Variants in CSMD1 observed in about 807,000 individuals in gnomAD.
CSMD1 encodes the protein CUB and sushi domain-containing protein 1.
Under a neutral mutation model 417.5 loss-of-function variants are expected in CSMD1, and 213 were observed. That is an observed-to-expected ratio of 0.51 (90% confidence interval 0.46 to 0.57). The LOEUF is 0.57. CSMD1 is among the 20% of genes least tolerant of loss of function. The pLI is 0.00. For missense variants in CSMD1, 6,923 were observed against 4,529.7 expected (o/e 1.53, Z -15.17); for synonymous variants, 2,862 against 1,736.8 (o/e 1.65, Z -16.11).
At chr8:3,019,579 G>T (rs1809181572) in intron 51 of CSMD1, among the ~76,000 whole-genome samples, 1 of 152,162 alleles carries the variant, frequency 6.6e-6, no homozygotes, top group Admixed American at 6.5e-5. Context: ...ACTACACAGG[G>T]CATTTGGAGG....
At chr8:4,455,640 C>G (rs996732262) in intron 2 of CSMD1, among the ~76,000 whole-genome samples, 2 of 151,716 alleles carry the variant, frequency 1.3e-5, no homozygotes, top group South Asian at 2.1e-4. Flanking sequence ...AAACATAAAA[C>G]GCAATTGAGG....
At chr8:3,969,443 G>A (rs1051036081) in intron 5 of CSMD1, among the ~76,000 whole-genome samples, 4 of 152,090 alleles carry the variant, frequency 2.6e-5, no homozygotes, top group African/African-American at 9.7e-5. Flanking sequence ...GGGTGGTCAT[G>A]GTCACTAGTG....
At chr8:4,955,614 C>A (rs1327129220) in intron 1 of CSMD1, among the ~76,000 whole-genome samples, 2 of 152,072 alleles carry the variant, frequency 1.3e-5, no homozygotes, top group African/African-American at 4.8e-5. Flanking sequence ...TACCACTACA[C>A]CCGGCTAATT....
chr8:3,081,057 A>G (rs34273727), intron 49 of CSMD1, among the ~76,000 whole-genome samples: 20,157 of 152,252 alleles, frequency 0.13, 1,620 homozygotes, highest in Non-Finnish European at 0.18. Context: ...TAAATTTAAA[A>G]TGTTTACCAA....
chr8:3,569,812 G>T (rs1182452561), intron 10 of CSMD1, among the ~76,000 whole-genome samples: 2 of 152,100 alleles, frequency 1.3e-5, no homozygotes, highest in African/African-American at 2.4e-5. Flanking sequence ...ATGCCTTCAG[G>T]TGTCTAAGTG....
intron 6 of CSMD1, among the ~76,000 whole-genome samples, chr8:3,710,949 G>T (rs1455579498): frequency 6.6e-6 from 1 of 152,154 alleles, no homozygotes; most frequent in Non-Finnish European, 1.5e-5. Context: ...AGGAGGGTGA[G>T]ATCCCGAAGC....
In CSMD1 at chr8:3,637,889, G is replaced by A. The variant is rs376801116; in HGVS notation, c.1010-21092C>T. Among the ~76,000 whole-genome samples, 17 of 152,284 alleles carry A rather than the reference G, an allele frequency of 1.1e-4. No individual in the cohort carries two copies. The South Asian group carries it at 3.3e-3, about 30-fold the overall frequency. On this transcript the variant is annotated intron_variant, in intron 7 of 69. Transcript: ENST00000635120. ...TCACAAGATCTGATGGTTTTCTACA[G>A]AGCAGTTCCCCTGCCCACACTCTCT...
In CSMD1 at chr8:4,860,692, T is replaced by C. The variant is rs1802079256; in HGVS notation, c.85+133640A>G. 2.0e-5 allele frequency among the ~76,000 whole-genome samples: 3 copies of C among 152,154 alleles called. No homozygotes were observed. The South Asian group carries it at 6.2e-4, about 31-fold the overall frequency. On this transcript the variant is annotated intron_variant, in intron 1 of 69. Coordinates refer to ENST00000635120, the MANE Select transcript of CSMD1 (RefSeq NM_033225.6). Reference sequence around the variant, plus strand: ...CTCACAATGTTTGAAATGTTCCTCATTCACTCTGGAATAAAGACAAATACA... The same window carrying C: ...CTCACAATGTTTGAAATGTTCCTCACTCACTCTGGAATAAAGACAAATACA...
chr8:3,666,727 G>A (rs1452258090), intron 7 of CSMD1, among the ~76,000 whole-genome samples: 1 of 152,154 alleles, frequency 6.6e-6, no homozygotes, highest in East Asian at 1.9e-4. Flanking sequence ...AAACCCCTTT[G>A]GCTTGGCTCT....
At chr8:4,051,423 G>A (rs7819364) in intron 3 of CSMD1, among the ~76,000 whole-genome samples, 4,953 of 152,118 alleles carry the variant, frequency 0.033, 211 homozygotes, top group African/African-American at 0.1. Context: ...AAATCAGACC[G>A]CAAGGTTGAA....
intron 5 of CSMD1, among the ~76,000 whole-genome samples, chr8:3,866,997 T>A (rs1585113193): frequency 1.3e-5 from 2 of 152,208 alleles, no homozygotes; most frequent in Non-Finnish European, 2.9e-5. Context: ...AAGTGGTGAG[T>A]CAGCCAATAT....
chr8:4,862,200 G>C (rs990893857), intron 1 of CSMD1, among the ~76,000 whole-genome samples: 1 of 152,020 alleles, frequency 6.6e-6, no homozygotes, highest in Non-Finnish European at 1.5e-5. Flanking sequence ...GAACCTCAAC[G>C]AGGCCTGGGG....
At chr8:4,838,212 A>C (rs559759791) in intron 1 of CSMD1, among the ~76,000 whole-genome samples, 2 of 152,328 alleles carry the variant, frequency 1.3e-5, no homozygotes, top group South Asian at 4.1e-4. Flanking sequence ...CAATCCTTTG[A>C]GATCTCCTTA....
At chr8:3,429,700 T>G (rs1442694701) in intron 12 of CSMD1, among the ~76,000 whole-genome samples, 1 of 152,226 alleles carries the variant, frequency 6.6e-6, no homozygotes, top group Non-Finnish European at 1.5e-5. Context: ...AAAGTATAAC[T>G]TAATGAAATG....
chr8:3,493,217 C>T (rs1376605184), intron 11 of CSMD1, among the ~76,000 whole-genome samples: 1 of 150,300 alleles, frequency 6.7e-6, no homozygotes, highest in Non-Finnish European at 1.5e-5. Flanking sequence ...TTGCTTGAAC[C>T]CGGGAGGCGG....
chr8:4,081,354 T>C (rs779127579), intron 3 of CSMD1, among the ~76,000 whole-genome samples: 1 of 152,164 alleles, frequency 6.6e-6, no homozygotes, highest in Non-Finnish European at 1.5e-5. Flanking sequence ...CAACAGGGTA[T>C]TGTGTGAATT....
At chr8:3,851,602 A>G (rs967725523) in intron 5 of CSMD1, among the ~76,000 whole-genome samples, 6 of 152,236 alleles carry the variant, frequency 3.9e-5, no homozygotes, top group Admixed American at 2.6e-4. Flanking sequence ...GGTTGTCTCT[A>G]CTTTCACTGG....
At chr8:4,231,840 C>G (rs149451192) in intron 3 of CSMD1, among the ~76,000 whole-genome samples, 287 of 152,342 alleles carry the variant, frequency 1.9e-3, no homozygotes, top group Non-Finnish European at 3.5e-3. Context: ...CCCAGAATAT[C>G]TGTACATGTA....
intron 4 of CSMD1, among the ~76,000 whole-genome samples, chr8:4,031,469 G>A (rs1332577154): frequency 1.3e-5 from 2 of 152,186 alleles, no homozygotes; most frequent in East Asian, 1.9e-4. Context: ...GAACGGCACA[G>A]GAAACACTTA....
Sources: allele counts gnomAD v4.1 joint callset (sites outside exome capture counted in the v4.1 genomes callset), GRCh38; gene constraint gnomAD v4.1.1; transcripts MANE v1.5; gene names NCBI Gene and HGNC (gene_info 2026-07-23, HGNC 2026-07-21).